Variants in WWOX observed in about 807,000 individuals in gnomAD.
WWOX encodes WW domain containing oxidoreductase.
A neutral mutation model predicts 46.2 loss-of-function variants in WWOX; 69 were observed. The ratio of observed to expected loss-of-function variants is 1.49; its 90% CI spans 1.23 to 1.82. WWOX has a LOEUF of 1.82. WWOX is among the 40% of genes most tolerant of loss of function. WWOX has a pLI of 0.00. For missense variants in WWOX, 919 were observed against 542.6 expected (o/e 1.69, Z -6.89); for synonymous variants, 359 against 202.6 (o/e 1.77, Z -6.56).
intron 8 of WWOX, among the ~76,000 whole-genome samples, chr16:78,819,732 C>T (rs1240021538): frequency 6.6e-5 from 10 of 152,176 alleles, no homozygotes; most frequent in Admixed American, 5.2e-4. Flanking sequence ...TTCTGGGGTT[C>T]GCCTGCCCTG....
chr16:79,126,119 C>G (rs1266902180), intron 8 of WWOX, among the ~76,000 whole-genome samples: 1 of 152,046 alleles, frequency 6.6e-6, no homozygotes, highest in African/African-American at 2.4e-5. Context: ...GAAGAAGGGG[C>G]TTTCTTCCAG....
At chr16:78,368,896 C>A (rs962055912) in intron 5 of WWOX, among the ~76,000 whole-genome samples, 1 of 152,160 alleles carries the variant, frequency 6.6e-6, no homozygotes, top group African/African-American at 2.4e-5. Flanking sequence ...ATGGTACATC[C>A]CACCACTGCT....
chr16:78,600,205 C>T lies in WWOX; in HGVS notation c.1056+167453C>T, dbSNP rs116784045. Among the ~76,000 whole-genome samples, 592 of 152,070 alleles carry T rather than the reference C, an allele frequency of 3.9e-3. 5 individuals are homozygous for T. Among genetic ancestry groups the T allele is most frequent in the African/African-American group, 0.014 (564 of 41,458 alleles). ...CCCTCATGATTCAGTTACGTTCCAC[C>T]GGGGCCCTCCCACAACACATGGGAA... On this transcript the variant is annotated intron_variant, in intron 8 of 8. Coordinates refer to ENST00000566780, the MANE Select transcript of WWOX (RefSeq NM_016373.4).
At chr16:78,723,347 G>C (rs1175363620) in intron 8 of WWOX, among the ~76,000 whole-genome samples, 1 of 152,112 alleles carries the variant, frequency 6.6e-6, no homozygotes, top group East Asian at 1.9e-4. Flanking sequence ...CGTGGCTTTT[G>C]CTAAAGAGCC....
intron 8 of WWOX, among the ~76,000 whole-genome samples, chr16:78,810,587 GA>G (rs948084374): frequency 2.0e-5 from 3 of 152,180 alleles, no homozygotes; most frequent in African/African-American, 7.2e-5. Context: ...TGATTGCCTT[GA>G]CAAATTCTGC....
intron 8 of WWOX, chr16:78,895,518 C>T (rs891130379): frequency 1.3e-5 from 2 of 152,166 alleles, no homozygotes; most frequent in Non-Finnish European, 2.9e-5. Context: ...GTCTATCAAC[C>T]CTGTATTTGT....
At chr16:79,066,233 T>A (rs58235561) in intron 8 of WWOX, among the ~76,000 whole-genome samples, 36 of 152,126 alleles carry the variant, frequency 2.4e-4, no homozygotes, top group African/African-American at 6.8e-4. Flanking sequence ...GAGGCCTCCC[T>A]TAAGCCCACC....
chr16:78,935,903 C>A (rs904360412), intron 8 of WWOX, among the ~76,000 whole-genome samples: 1 of 151,812 alleles, frequency 6.6e-6, no homozygotes, highest in Non-Finnish European at 1.5e-5. Context: ...CAGAGTGAGA[C>A]CCTGTCTCAA....
intron 5 of WWOX, among the ~76,000 whole-genome samples, chr16:78,179,134 G>A (rs937063698): frequency 2.0e-5 from 3 of 152,164 alleles, no homozygotes; most frequent in Non-Finnish European, 2.9e-5. Context: ...AAATAATTCT[G>A]CAGTGCTTTA....
intron 8 of WWOX, among the ~76,000 whole-genome samples, chr16:78,709,989 C>T (rs1452998516): frequency 6.6e-6 from 1 of 152,130 alleles, no homozygotes; most frequent in African/African-American, 2.4e-5. Flanking sequence ...CCTTGTCCTC[C>T]CAAAGTGTTG....
intron 8 of WWOX, among the ~76,000 whole-genome samples, chr16:78,594,937 T>C (rs2045451402): frequency 6.6e-6 from 1 of 152,210 alleles, no homozygotes; most frequent in Non-Finnish European, 1.5e-5. Context: ...AGGGCCTGTC[T>C]CTCAGGAAAG....
intron 8 of WWOX, among the ~76,000 whole-genome samples, chr16:78,698,273 C>A (rs1205331211): frequency 6.6e-6 from 1 of 152,254 alleles, no homozygotes; most frequent in Admixed American, 6.5e-5. Flanking sequence ...TGAGTACTTT[C>A]AATTAGGTTT....
chr16:78,704,441 T>A (rs992688595), intron 8 of WWOX, among the ~76,000 whole-genome samples: 33 of 152,302 alleles, frequency 2.2e-4, no homozygotes, highest in African/African-American at 7.9e-4. Context: ...AATTATAGTT[T>A]CTGTAAGTAG....
chr16:78,569,690 T>G (rs1044135727), intron 8 of WWOX, among the ~76,000 whole-genome samples: 8 of 152,196 alleles, frequency 5.3e-5, no homozygotes, highest in Non-Finnish European at 1.2e-4. Context: ...AGCAGGAAAA[T>G]TAGCACTTCC....
intron 5 of WWOX, among the ~76,000 whole-genome samples, chr16:78,370,072 C>T (rs1414843120): frequency 6.9e-6 from 1 of 144,326 alleles, no homozygotes; most frequent in Non-Finnish European, 1.5e-5. Flanking sequence ...CTGGAGCTTG[C>T]AGCCAGCCAA....
At chr16:78,982,192 G>T (rs1020873996) in intron 8 of WWOX, among the ~76,000 whole-genome samples, 1 of 152,162 alleles carries the variant, frequency 6.6e-6, no homozygotes, top group Non-Finnish European at 1.5e-5. Flanking sequence ...AGCCTCTTTC[G>T]TGCACACACG....
intron 5 of WWOX, among the ~76,000 whole-genome samples, chr16:78,285,773 C>T (rs1199935242): frequency 6.6e-6 from 1 of 152,148 alleles, no homozygotes; most frequent in Non-Finnish European, 1.5e-5. Flanking sequence ...TTGCTTACTT[C>T]AAGAGCCCTT....
intron 8 of WWOX, among the ~76,000 whole-genome samples, chr16:78,844,964 G>A (rs545713948): frequency 5.9e-5 from 9 of 152,180 alleles, no homozygotes; most frequent in Non-Finnish European, 4.4e-5. Flanking sequence ...ATTGAGGCAG[G>A]AAGTCTTAAC....
intron 8 of WWOX, among the ~76,000 whole-genome samples, chr16:78,599,545 G>A (rs368974171): frequency 6.6e-6 from 1 of 152,160 alleles, no homozygotes; most frequent in Non-Finnish European, 1.5e-5. Context: ...GCCTCAGGAG[G>A]GCCACATTCC....
Sources: gnomAD v4.1 joint callset for allele counts (sites outside exome capture counted in the v4.1 genomes callset) on GRCh38, gnomAD v4.1.1 for gene constraint, MANE v1.5 for transcripts, NCBI Gene and HGNC (gene_info 2026-07-23, HGNC 2026-07-21) for gene names.